BMPR1B: variants seen among roughly 807,000 people sequenced by gnomAD.
BMPR1B encodes the protein bone morphogenetic protein receptor type-1B.
Under a neutral mutation model 59.1 loss-of-function variants are expected in BMPR1B, and 12 were observed. The observed-to-expected ratio is 0.20, with a 90% CI of 0.13 to 0.33. The LOEUF (loss-of-function observed/expected upper bound fraction) is 0.33. Among genes scored for constraint, BMPR1B ranks in the 10% least tolerant of loss-of-function variants. The pLI is 1.00. For synonymous variants in BMPR1B, 237 were observed against 207.3 expected, an observed-to-expected ratio of 1.14 and a Z score of -1.23; for missense variants, 550 against 610.9, an observed-to-expected ratio of 0.90 and a Z score of 1.05.
intron 3 of BMPR1B, among the ~76,000 whole-genome samples, chr4:95,095,704 T>C (rs1234658992): frequency 2.0e-5 from 3 of 152,210 alleles, no homozygotes; most frequent in Non-Finnish European, 4.4e-5. Flanking sequence ...TTTTAATGAA[T>C]TTTAAAGTCT....
chr4:94,851,476 CT>C (rs1324763259), intron 1 of BMPR1B, among the ~76,000 whole-genome samples: 1 of 152,070 alleles, frequency 6.6e-6, no homozygotes, highest in Non-Finnish European at 1.5e-5. Context: ...TGACCTATTC[CT>C]AACTTCCAAG....
chr4:94,946,282 T>C (rs1729706710), intron 2 of BMPR1B, among the ~76,000 whole-genome samples: 1 of 152,212 alleles, frequency 6.6e-6, no homozygotes, highest in Non-Finnish European at 1.5e-5. Context: ...TTCAAGAATA[T>C]AAAGTATTCG....
intron 2 of BMPR1B, among the ~76,000 whole-genome samples, chr4:94,953,316 G>A (rs975279928): frequency 1.3e-5 from 2 of 152,178 alleles, no homozygotes; most frequent in African/African-American, 4.8e-5. Flanking sequence ...AGGCTAACTG[G>A]TTATTTTGCC....
intron 3 of BMPR1B, among the ~76,000 whole-genome samples, chr4:95,060,106 C>G (rs1275134579): frequency 6.6e-6 from 1 of 152,140 alleles, no homozygotes. Flanking sequence ...TATGTATTTC[C>G]TGTATCAGAA....
chr4:95,043,019 CA>C (rs1388332503), intron 3 of BMPR1B, among the ~76,000 whole-genome samples: 1 of 149,436 alleles, frequency 6.7e-6, no homozygotes, highest in East Asian at 2.0e-4. Flanking sequence ...ACTAAAAATA[CA>C]AAAAATTAGC....
chr4:95,078,754 T>C (rs528761369), intron 3 of BMPR1B, among the ~76,000 whole-genome samples: 55 of 152,300 alleles, frequency 3.6e-4, no homozygotes, highest in African/African-American at 1.3e-3. Flanking sequence ...TGTATTTCTT[T>C]CTTTTTTTCC....
At chr4:94,818,622 A>G (rs1724095273) in intron 1 of BMPR1B, among the ~76,000 whole-genome samples, 1 of 152,226 alleles carries the variant, frequency 6.6e-6, no homozygotes, top group African/African-American at 2.4e-5. Context: ...TACAGATTTT[A>G]TTTTAAAATG....
chr4:94,786,780 G>A (rs555335605), intron 1 of BMPR1B, among the ~76,000 whole-genome samples: 113 of 152,002 alleles, frequency 7.4e-4, no homozygotes, highest in Middle Eastern at 3.4e-3. Context: ...TCCTGACCTC[G>A]TGATCCACCC....
At chr4:95,113,861 C>T (rs1417347563) in intron 4 of BMPR1B, among the ~76,000 whole-genome samples, 1 of 152,038 alleles carries the variant, frequency 6.6e-6, no homozygotes, top group Non-Finnish European at 1.5e-5. Context: ...ATTTTAATTT[C>T]CTCATCTGTA....
intron 3 of BMPR1B, among the ~76,000 whole-genome samples, chr4:95,015,850 G>A (rs1723548064): frequency 1.3e-5 from 2 of 152,040 alleles, no homozygotes; most frequent in Admixed American, 6.5e-5. Flanking sequence ...ATGCCACCAC[G>A]CCCAGCTCAT....
At chr4:95,001,561 G>A (rs921789493) in intron 3 of BMPR1B, among the ~76,000 whole-genome samples, 1 of 152,052 alleles carries the variant, frequency 6.6e-6, no homozygotes, top group African/African-American at 2.4e-5. Context: ...TAAAAAACAA[G>A]TTTCATGCTT....
chr4:95,004,601 G>C (rs998208329), intron 3 of BMPR1B, among the ~76,000 whole-genome samples: 4 of 151,988 alleles, frequency 2.6e-5, no homozygotes, highest in Non-Finnish European at 5.9e-5. Context: ...ATATTCCTCA[G>C]GTGAATATTT....
intron 1 of BMPR1B, among the ~76,000 whole-genome samples, chr4:94,772,075 A>G (rs1024781463): frequency 2.0e-5 from 3 of 152,206 alleles, no homozygotes; most frequent in African/African-American, 7.2e-5. Context: ...TAGTGACTCT[A>G]GGTCATCATC....
At chr4:94,786,366 CCA>C (rs1259395895) in intron 1 of BMPR1B, among the ~76,000 whole-genome samples, 1 of 117,164 alleles carries the variant, frequency 8.5e-6, no homozygotes, top group Non-Finnish European at 1.7e-5. Context: ...TGAGAATTCA[CCA>C]CCTTTTTTTT....
chr4:94,938,504 A>AG (rs2149041525), intron 2 of BMPR1B, among the ~76,000 whole-genome samples: 1 of 152,012 alleles, frequency 6.6e-6, no homozygotes, highest in East Asian at 1.9e-4. Flanking sequence ...AAAAAAAAAA[A>AG]GTGCTTATAC....
chr4:94,974,157 A>G (rs1022303884), intron 2 of BMPR1B, among the ~76,000 whole-genome samples: 1 of 152,122 alleles, frequency 6.6e-6, no homozygotes, highest in East Asian at 1.9e-4. Flanking sequence ...GTTAGTGATT[A>G]TTTTTATGGC....
chr4:95,042,433 A>T (rs62316249), intron 3 of BMPR1B, among the ~76,000 whole-genome samples: 40,504 of 151,906 alleles, frequency 0.27, 6,317 homozygotes, highest in South Asian at 0.42. Flanking sequence ...AAAAAATTTT[A>T]AAATATTGTA....
intron 1 of BMPR1B, among the ~76,000 whole-genome samples, chr4:94,785,430 G>A (rs1722726982): frequency 6.6e-6 from 1 of 152,186 alleles, no homozygotes; most frequent in African/African-American, 2.4e-5. Flanking sequence ...GGCATGCAGT[G>A]GCATCACAAT....
At chr4:95,108,854 T>C (rs1298537329) in intron 4 of BMPR1B, among the ~76,000 whole-genome samples, 2 of 152,114 alleles carry the variant, frequency 1.3e-5, no homozygotes, top group East Asian at 3.9e-4. Flanking sequence ...ATCCATCGAG[T>C]TCCATTTCCA....
Sources: allele counts gnomAD v4.1 joint callset (sites outside exome capture counted in the v4.1 genomes callset), GRCh38; gene constraint gnomAD v4.1.1; transcripts MANE v1.5; gene names NCBI Gene and HGNC (gene_info 2026-07-23, HGNC 2026-07-21).